The following GFPT1 variants were observed in gnomAD, a reference collection of about 807,000 sequenced individuals.
GFPT1 encodes the protein glutamine--fructose-6-phosphate aminotransferase [isomerizing] 1.
GFPT1 carries 40 observed loss-of-function variants against 92.0 expected under a neutral mutation model. The observed-to-expected ratio is 0.43, with a 90% confidence interval of 0.34 to 0.57. GFPT1 has a LOEUF of 0.57. Ranked by LOEUF, GFPT1 falls within the 20% of genes least tolerant of loss-of-function variation. The pLI is 0.02. For synonymous variants in GFPT1, 269 were observed against 280.6 expected (o/e 0.96, Z 0.41); for missense variants, 448 against 869.1 (o/e 0.52, Z 6.09).
chr2:69,384,367 A>G (rs1393886094), intron 1 of GFPT1, among the ~76,000 whole-genome samples: 2 of 152,212 alleles, frequency 1.3e-5, no homozygotes, highest in South Asian at 2.1e-4. Flanking sequence ...AGAATCTTCA[A>G]TCCTCATTCT....
chr2:69,383,163 A>C (rs1375866574), intron 1 of GFPT1, among the ~76,000 whole-genome samples: 3 of 152,256 alleles, frequency 2.0e-5, no homozygotes, highest in African/African-American at 7.2e-5. Flanking sequence ...AATGAAGTAA[A>C]GAAAGGTTTC....
chr2:69,379,407 T>C (rs1671953899), intron 1 of GFPT1, among the ~76,000 whole-genome samples: 1 of 152,178 alleles, frequency 6.6e-6, no homozygotes, highest in African/African-American at 2.4e-5. Flanking sequence ...TAGTCCCAGA[T>C]ACTTGGAAGG....
At chr2:69,368,590 T>C (rs573589357) in intron 3 of GFPT1, among the ~76,000 whole-genome samples, 1 of 152,108 alleles carries the variant, frequency 6.6e-6, no homozygotes, top group Non-Finnish European at 1.5e-5. Context: ...TAGCCGGGCA[T>C]GATGGCACAC....
chr2:69,334,561 C>CA (rs1670747766), intron 15 of GFPT1: 1 of 151,970 alleles, frequency 6.6e-6, no homozygotes. Context: ...ACTAATGATA[C>CA]AAATAACAAC....
rs1259740311 is a variant in GFPT1, at chr2:69,320,989, C to CTATAAAAA, written c.*5199_*5200insTTTTTATA. 9.8e-5 allele frequency: 15 copies of CTATAAAAA among 152,290 alleles called. No individual in the cohort carries two copies. In the East Asian group the frequency reaches 2.5e-3, roughly 25 times the overall value. 9.4% of individuals were successfully genotyped at this position (152,290 alleles called of 1,614,324 possible). ...TGGCCTAACTGTCTCCTGAAAAACG[C>CTATAAAAA]AGCAGGTGCTATAACCACTAGGGAT... On this transcript the variant is annotated 3_prime_UTR_variant, in exon 20 of 20. Coordinates refer to ENST00000357308, the MANE Select transcript of GFPT1 (RefSeq NM_001244710.2).
intron 1 of GFPT1, among the ~76,000 whole-genome samples, chr2:69,384,693 C>CAAAAAAAAAAAA (rs71964630): frequency 2.7e-4 from 29 of 106,550 alleles, no homozygotes; most frequent in East Asian, 5.4e-4. Flanking sequence ...GGCCCCGTCA[C>CAAAAAAAAAAAA]AAAAAAAAAA....
In GFPT1 at chr2:69,338,181, C is replaced by CA. The variant is rs369548645; in HGVS notation, c.1325-127dup. Reference sequence around the variant, plus strand: ...TGTTTTAAATAAAATACAAAACATCCACTTAATAAATTTATAAAACTTTAA... The same window carrying CA: ...TGTTTTAAATAAAATACAAAACATCCAACTTAATAAATTTATAAAACTTTAA... On this transcript the variant is annotated intron_variant, in intron 14 of 19. Transcript: ENST00000357308. The CA allele has an allele frequency of 9.1e-4, 821 of 903,572 alleles. 4 individuals are homozygous for CA. In the African/African-American group the frequency reaches 0.013, roughly 14 times the overall value. The allele number at this position is 903,572 out of a possible 1,614,324, so 56.0% of individuals were successfully genotyped here.
chr2:69,377,913 G>T (rs1671917664), intron 1 of GFPT1, among the ~76,000 whole-genome samples: 1 of 152,216 alleles, frequency 6.6e-6, no homozygotes, highest in Non-Finnish European at 1.5e-5. Context: ...CACAAGGGAG[G>T]CATTCACAAC....
chr2:69,354,418 A>T (rs1263157183), intron 8 of GFPT1, 71 bp downstream of exon 8: 8 of 1,280,098 alleles, frequency 6.2e-6, no homozygotes, highest in Non-Finnish European at 9.1e-6. Context: ...CTGACCAAAG[A>T]GCCATCTATT....
Position 69,383,690 on chromosome 2 carries a change from A to G in GFPT1, c.7+3375T>C, listed in dbSNP as rs994688667. ...GCCCAGGCTGGAGTAGAATGGCACT[A>G]TCTCAGCTCACTGCAACCTCCACCT... On this transcript the variant is annotated intron_variant, in intron 1 of 19. Coordinates refer to ENST00000357308, the MANE Select transcript of GFPT1 (RefSeq NM_001244710.2). Among the ~76,000 whole-genome samples, 74 of 152,286 alleles carry G rather than the reference A, an allele frequency of 4.9e-4. 1 individual carries two copies. The highest frequency in any genetic ancestry group is 1.4e-3 in the African/African-American group (60 of 41,552).
chr2:69,386,556 C>A (rs1011981157), intron 1 of GFPT1, among the ~76,000 whole-genome samples: 1 of 152,212 alleles, frequency 6.6e-6, no homozygotes, highest in Non-Finnish European at 1.5e-5. Context: ...GGAAGTATCA[C>A]GTTTAATGGC....
At chr2:69,362,823 AT>A (rs994548976) in intron 4 of GFPT1, among the ~76,000 whole-genome samples, 7 of 152,142 alleles carry the variant, frequency 4.6e-5, no homozygotes, top group African/African-American at 9.7e-5. Flanking sequence ...AATAAAAAAA[AT>A]GTTTCTAAAA....
chr2:69,371,424 T>A (rs6742733), intron 2 of GFPT1: 98,697 of 151,688 alleles, frequency 0.65, 33,300 homozygotes, highest in African/African-American at 0.84. Flanking sequence ...TCATGGTCTA[T>A]CTAGGAAGAA....
intron 9 of GFPT1, among the ~76,000 whole-genome samples, chr2:69,351,889 G>A (rs188860511): frequency 6.6e-6 from 1 of 152,172 alleles, no homozygotes; most frequent in Non-Finnish European, 1.5e-5. Context: ...TCTGTATCTT[G>A]ATTATGGTGG....
At position 69,325,085 on chromosome 2, in the gene GFPT1, C is replaced by G. The variant is rs1670497606; in HGVS notation, c.*1104G>C. On this transcript the variant is annotated 3_prime_UTR_variant, in exon 20 of 20. Coordinates refer to ENST00000357308, the MANE Select transcript of GFPT1 (RefSeq NM_001244710.2). Reference sequence around the variant, plus strand: ...CAGTGTAAAGCATACATACCTTTTTCTGAGCTTAGCCTACCACATATACTT... The same window carrying G: ...CAGTGTAAAGCATACATACCTTTTTGTGAGCTTAGCCTACCACATATACTT... 6.6e-6 allele frequency: 1 copy of G among 152,118 alleles called. No homozygotes were observed. Among genetic ancestry groups the G allele is most frequent in the South Asian group, 2.1e-4 (1 of 4,826 alleles). 9.4% of individuals were successfully genotyped at this position (152,118 alleles called of 1,614,324 possible). A position where few individuals can be genotyped will look rare whatever the true frequency, so the allele number is the denominator to read the frequency against.
At chr2:69,372,021 G>A (rs1203538650) in intron 2 of GFPT1, among the ~76,000 whole-genome samples, 3 of 150,868 alleles carry the variant, frequency 2.0e-5, no homozygotes, top group African/African-American at 7.3e-5. Context: ...CCAACATGGT[G>A]AAACCCCGTC....
At chr2:69,386,627 A>AT (rs1269500532) in intron 1 of GFPT1, among the ~76,000 whole-genome samples, 3 of 152,114 alleles carry the variant, frequency 2.0e-5, no homozygotes, top group Admixed American at 6.5e-5. Context: ...CAAGTAAAAT[A>AT]TTTTTTTAAA....
chr2:69,363,467 G>GAAAAT, intron 4 of GFPT1, 78 bp downstream of exon 4: 2 of 1,396,046 alleles, frequency 1.4e-6, no homozygotes, highest in Non-Finnish European at 2.0e-6. Flanking sequence ...TTAAAATAAT[G>GAAAAT]AAAATCTAAA....
intron 14 of GFPT1, 122 bp downstream of exon 14, chr2:69,338,323 T>C (rs1670853463): frequency 9.4e-6 from 8 of 849,786 alleles, no homozygotes; most frequent in South Asian, 1.5e-5. Context: ...TTAAAATAAA[T>C]CTGTATTCGT....
Sources: gnomAD v4.1 joint callset for allele counts (sites outside exome capture counted in the v4.1 genomes callset) on GRCh38, gnomAD v4.1.1 for gene constraint, MANE v1.5 for transcripts, NCBI Gene and HGNC (gene_info 2026-07-23, HGNC 2026-07-21) for gene names.